The following NRF1 variants were observed in gnomAD, a reference collection of about 807,000 sequenced individuals.
The protein encoded by NRF1 is nuclear respiratory factor 1.
A neutral mutation model predicts 58.5 loss-of-function variants in NRF1; 5 were observed. The ratio of observed to expected loss-of-function variants is 0.09; its 90% CI spans 0.04 to 0.18. NRF1 has a LOEUF of 0.18. NRF1 is among the 10% of genes least tolerant of loss of function. The pLI, the probability that NRF1 is intolerant of heterozygous loss-of-function variation, is 1.00. For synonymous variants in NRF1, 224 were observed against 246.7 expected (o/e 0.91, Z 0.86); for missense variants, 288 against 657.7 (o/e 0.44, Z 6.15).
In NRF1 at chr7:129,746,365, T is replaced by C. The variant is rs192882433; in HGVS notation, c.1349-8653T>C. Among the ~76,000 whole-genome samples, 16 of 152,314 alleles carry C rather than the reference T, an allele frequency of 1.1e-4. No individual in the cohort carries two copies. In the East Asian group the frequency reaches 3.1e-3, roughly 29 times the overall value. ...CTCTTCTTGCCCTACATATGTCCTC[T>C]TTCCATCTAGTCCTTGGTATTCTCA... On this transcript the variant is annotated intron_variant, in intron 10 of 10. Coordinates refer to ENST00000393232, the MANE Select transcript of NRF1 (RefSeq NM_005011.5).
chr7:129,726,003 T>C (rs1803445101), intron 9 of NRF1, among the ~76,000 whole-genome samples: 1 of 152,218 alleles, frequency 6.6e-6, no homozygotes, highest in African/African-American at 2.4e-5. Context: ...TTGCCCACAG[T>C]CCTAACATGT....
At chr7:129,635,198 A>G (rs1801141814) in intron 1 of NRF1, among the ~76,000 whole-genome samples, 1 of 152,236 alleles carries the variant, frequency 6.6e-6, no homozygotes. Context: ...TATAGAATAT[A>G]ATCTTCAGAG....
At chr7:129,644,050 A>G (rs147450289) in intron 1 of NRF1, among the ~76,000 whole-genome samples, 77 of 152,210 alleles carry the variant, frequency 5.1e-4, no homozygotes, top group African/African-American at 1.6e-3. Context: ...AGACTCTGTC[A>G]TTTCCTTCAG....
At chr7:129,708,568 CATT>C (rs1272620332) in intron 5 of NRF1, among the ~76,000 whole-genome samples, 2 of 152,234 alleles carry the variant, frequency 1.3e-5, no homozygotes, top group Middle Eastern at 3.4e-3. Flanking sequence ...ATTGAATTCT[CATT>C]ATTGTTTGTA....
intron 2 of NRF1, among the ~76,000 whole-genome samples, chr7:129,663,970 C>G (rs879250094): frequency 6.6e-6 from 1 of 152,150 alleles, no homozygotes; most frequent in Non-Finnish European, 1.5e-5. Flanking sequence ...ACCAAAAATA[C>G]GAAAACCAGT....
intron 9 of NRF1, among the ~76,000 whole-genome samples, 159 bp downstream of exon 9, chr7:129,717,535 G>T (rs964920827): frequency 6.6e-6 from 1 of 152,186 alleles, no homozygotes; most frequent in Admixed American, 6.5e-5. Context: ...CCTATAATAG[G>T]TCAGTCCTTA....
At chr7:129,740,584 C>T (rs1036686236) in intron 10 of NRF1, among the ~76,000 whole-genome samples, 2 of 152,232 alleles carry the variant, frequency 1.3e-5, no homozygotes, top group Admixed American at 6.5e-5. Context: ...GCATACCCCC[C>T]GTAGCTGGAG....
chr7:129,644,614 G>C (rs1005161458), intron 1 of NRF1, among the ~76,000 whole-genome samples: 1 of 152,158 alleles, frequency 6.6e-6, no homozygotes, highest in Non-Finnish European at 1.5e-5. Flanking sequence ...CACATGTCCA[G>C]CTACAGTTTT....
intron 1 of NRF1, among the ~76,000 whole-genome samples, chr7:129,627,591 G>A (rs1206495881): frequency 6.6e-6 from 1 of 152,088 alleles, no homozygotes; most frequent in Non-Finnish European, 1.5e-5. Context: ...TCCTGTTGTT[G>A]ATAGGGCACC....
intron 1 of NRF1, among the ~76,000 whole-genome samples, chr7:129,655,479 A>G (rs904540348): frequency 5.3e-5 from 8 of 152,038 alleles, no homozygotes; most frequent in African/African-American, 1.9e-4. Context: ...GTACAATGTT[A>G]AAAAGAAGTG....
intron 10 of NRF1, among the ~76,000 whole-genome samples, chr7:129,739,433 T>C (rs866135293): frequency 6.6e-6 from 1 of 151,810 alleles, no homozygotes; most frequent in Non-Finnish European, 1.5e-5. Flanking sequence ...AACACTGTGG[T>C]CTCCTGGCAA....
chr7:129,711,701 G>T, intron 8 of NRF1, 125 bp downstream of exon 8: 1 of 686,048 alleles, frequency 1.5e-6, no homozygotes. Context: ...CTTTTAAAGA[G>T]CATGAGACCA....
At chr7:129,704,119 C>T (rs982462180) in intron 5 of NRF1, among the ~76,000 whole-genome samples, 15 of 147,192 alleles carry the variant, frequency 1.0e-4, no homozygotes, top group South Asian at 2.4e-4. Context: ...TGTATTAATA[C>T]GTATTTTTAA....
At chr7:129,712,082 G>A (rs1803086050) in intron 8 of NRF1, among the ~76,000 whole-genome samples, 1 of 152,138 alleles carries the variant, frequency 6.6e-6, no homozygotes, top group Non-Finnish European at 1.5e-5. Flanking sequence ...CCTAAAGACA[G>A]CCAACCTTTA....
At chr7:129,681,547 A>G (rs1584635547) in intron 4 of NRF1, among the ~76,000 whole-genome samples, 1 of 152,210 alleles carries the variant, frequency 6.6e-6, no homozygotes, top group Non-Finnish European at 1.5e-5. Flanking sequence ...ACCAGGGGTC[A>G]TTTAATATTG....
chr7:129,634,411 C>T (rs1438261879), intron 1 of NRF1, among the ~76,000 whole-genome samples: 1 of 152,078 alleles, frequency 6.6e-6, no homozygotes, highest in Non-Finnish European at 1.5e-5. Flanking sequence ...TTTGCCTTTT[C>T]CAAAAATGTC....
intron 10 of NRF1, among the ~76,000 whole-genome samples, chr7:129,737,754 TAAATG>T (rs1803751558): frequency 6.6e-6 from 1 of 152,228 alleles, no homozygotes; most frequent in Non-Finnish European, 1.5e-5. Context: ...AAAGTTTAAA[TAAATG>T]AATGTATTAA....
At chr7:129,724,115 A>G (rs1424692990) in intron 9 of NRF1, among the ~76,000 whole-genome samples, 1 of 152,256 alleles carries the variant, frequency 6.6e-6, no homozygotes, top group Non-Finnish European at 1.5e-5. Flanking sequence ...GGCAAGCCAC[A>G]GAATGGGAGA....
intron 10 of NRF1, among the ~76,000 whole-genome samples, chr7:129,748,371 C>T (rs1804032885): frequency 6.6e-6 from 1 of 151,442 alleles, no homozygotes; most frequent in African/African-American, 2.4e-5. Flanking sequence ...CAGGTCAGCA[C>T]ATACCTGGGG....
Sources: allele counts gnomAD v4.1 joint callset (sites outside exome capture counted in the v4.1 genomes callset), GRCh38; gene constraint gnomAD v4.1.1; transcripts MANE v1.5; gene names NCBI Gene and HGNC (gene_info 2026-07-23, HGNC 2026-07-21).